The following NOSTRIN variants were observed in gnomAD, a reference collection of about 807,000 sequenced individuals.
NOSTRIN encodes nitric oxide synthase trafficking, also known as BM247 homolog.
A neutral mutation model predicts 59.0 loss-of-function variants in NOSTRIN; 63 were observed. The ratio of observed to expected loss-of-function variants is 1.07; its 90% CI spans 0.87 to 1.32. The LOEUF is 1.32. Ranked by LOEUF, NOSTRIN falls within the 40% of genes most tolerant of loss-of-function variation. The pLI is 0.00. For missense variants in NOSTRIN, 512 were observed against 473.1 expected, an observed-to-expected ratio of 1.08 and a Z score of -0.76; for synonymous variants, 200 against 165.4, an observed-to-expected ratio of 1.21 and a Z score of -1.61.
chr2:168,843,098 C>T lies in NOSTRIN; in HGVS notation c.611C>T (p.Thr204Ile). ...TCTACCAGACTGAAATGGGAAAACA[C>T]ACTAGAGAACTGCTACCAGGTAAGT... ...GYSTRLKWEN[T>I]LENCYQSILE... The change falls in exon 8 of 16, where the codon ACA (threonine) becomes ATA (isoleucine). Residue 204 changes from threonine (T) to isoleucine (I), a missense_variant. Transcript: ENST00000317647. 2 of 871,406 alleles carry T rather than the reference C, an allele frequency of 2.3e-6. No homozygotes were observed. The highest frequency in any genetic ancestry group is 1.3e-5 in the South Asian group (1 of 76,248). The allele number at this position is 871,406 out of a possible 1,614,324, so 54.0% of individuals were successfully genotyped here.
chr2:168,862,390 GATTTGA>G (rs1689518226), intron 15 of NOSTRIN, among the ~76,000 whole-genome samples: 1 of 152,224 alleles, frequency 6.6e-6, no homozygotes, highest in Non-Finnish European at 1.5e-5. Context: ...GGCAACACAA[GATTTGA>G]ACTTGGAAAC....
chr2:168,836,531 G>A (rs1034533910), intron 7 of NOSTRIN, among the ~76,000 whole-genome samples: 6 of 152,274 alleles, frequency 3.9e-5, no homozygotes, highest in African/African-American at 1.4e-4. Flanking sequence ...ACATAGAAGC[G>A]CTCATGATCA....
chr2:168,859,583 A>G lies in NOSTRIN; in HGVS notation c.1125A>G (p.Gln375=). The G allele has an allele frequency of 6.2e-7, 1 of 1,614,158 alleles. No individual in the cohort carries two copies. The highest frequency in any genetic ancestry group is 8.5e-7 in the Non-Finnish European group (1 of 1,179,994). The change falls in exon 13 of 16, where the codon CAA becomes CAG. Residue 375 remains glutamine, a synonymous_variant. Transcript: ENST00000317647. ...KLSSMLAELE[Q]RPQPSHPCSN... The stretch of plus-strand genomic sequence containing the variant: ...CATCAATGTTAGCAGAACTTGAGCA[A>G]AGACCTCAACCCAGCCATCCTTGTA...
chr2:168,826,454 CT>C (rs1687072258), intron 3 of NOSTRIN, among the ~76,000 whole-genome samples: 1 of 152,088 alleles, frequency 6.6e-6, no homozygotes, highest in Admixed American at 6.5e-5. Flanking sequence ...TCTTCCCTCC[CT>C]TCCTCCCTTG....
At chr2:168,803,805 T>A (rs947797521) in intron 1 of NOSTRIN, among the ~76,000 whole-genome samples, 10 of 152,236 alleles carry the variant, frequency 6.6e-5, no homozygotes, top group African/African-American at 2.2e-4. Context: ...TTTAATTACT[T>A]CAATCTCAGT....
chr2:168,858,242 C>A (rs1689238137), intron 12 of NOSTRIN, among the ~76,000 whole-genome samples: 1 of 152,202 alleles, frequency 6.6e-6, no homozygotes, highest in Admixed American at 6.5e-5. Flanking sequence ...GAGCATCTGA[C>A]CTTGGAACTT....
chr2:168,860,806 T>A lies in NOSTRIN; in HGVS notation c.1191T>A (p.His397Gln), dbSNP rs766583525. Residue 397 changes from histidine (H) to glutamine (Q), a missense_variant, in exon 14 of 16, where the codon CAT becomes CAA. Physicochemically the swap from His to Gln is conservative, Grantham distance 24. Transcript: ENST00000317647. Reference protein sequence around the residue: ...IFRWREKEHTHSYVKISRPFL... With the variant: ...IFRWREKEHTQSYVKISRPFL... The stretch of plus-strand genomic sequence containing the variant: ...TGTCATTTGAACAGGAGCATACTCA[T>A]AGCTATGTGAAAATATCTCGGCCTT... The A allele has an allele frequency of 1.9e-6, 3 of 1,605,746 alleles. No homozygotes were observed. The African/African-American group carries it at 4.0e-5, about 21-fold the overall frequency.
At chr2:168,788,302 A>G (rs575124420) in intron 2 of NOSTRIN, among the ~76,000 whole-genome samples, 1 of 151,196 alleles carries the variant, frequency 6.6e-6, no homozygotes, top group African/African-American at 2.4e-5. Context: ...TTCTTTTTCC[A>G]TTCCTTTCCC....
chr2:168,856,485 G>T, intron 11 of NOSTRIN: 4 of 556,710 alleles, frequency 7.2e-6, no homozygotes, highest in South Asian at 6.2e-5. Context: ...TGAGGGAGGA[G>T]AATTGTTTGA....
upstream of NOSTRIN, among the ~76,000 whole-genome samples, chr2:168,793,358 G>A (rs1685405916): frequency 6.6e-6 from 1 of 152,190 alleles, no homozygotes; most frequent in Non-Finnish European, 1.5e-5. Context: ...TGTAATCCCA[G>A]CACTTTGGAA....
At chr2:168,815,194 C>T (rs574539365) in intron 2 of NOSTRIN, among the ~76,000 whole-genome samples, 1 of 152,322 alleles carries the variant, frequency 6.6e-6, no homozygotes, top group East Asian at 1.9e-4. Context: ...ACAGTTGTTA[C>T]TAAAACACTC....
intron 2 of NOSTRIN, among the ~76,000 whole-genome samples, chr2:168,819,265 C>A (rs919142486): frequency 2.0e-5 from 3 of 152,124 alleles, no homozygotes; most frequent in African/African-American, 4.8e-5. Flanking sequence ...GCCTTGCTGC[C>A]TCTGCCTTGG....
chr2:168,800,201 G>A (rs978564455), upstream of NOSTRIN, among the ~76,000 whole-genome samples: 1 of 152,240 alleles, frequency 6.6e-6, no homozygotes, highest in Non-Finnish European at 1.5e-5. Context: ...CAAGCCCTGT[G>A]TAGATGACCT....
At chr2:168,815,633 G>A (rs570220256) in intron 2 of NOSTRIN, among the ~76,000 whole-genome samples, 40 of 152,278 alleles carry the variant, frequency 2.6e-4, no homozygotes, top group Non-Finnish European at 5.0e-4. Flanking sequence ...ATAAAAAATT[G>A]AAATTAAATA....
intron 11 of NOSTRIN, chr2:168,856,115 G>T: frequency 4.7e-6 from 1 of 213,494 alleles, no homozygotes. Context: ...GCTAGAATGG[G>T]TCGACTGAAA....
intron 2 of NOSTRIN, among the ~76,000 whole-genome samples, chr2:168,823,231 T>A (rs1163468378): frequency 2.6e-5 from 4 of 152,078 alleles, no homozygotes; most frequent in Non-Finnish European, 5.9e-5. Context: ...TTAGCCAGGA[T>A]GGTCTCGATC....
intron 2 of NOSTRIN, 67 bp from the exon 3 acceptor site, chr2:168,824,567 G>A: frequency 1.2e-6 from 1 of 812,244 alleles, no homozygotes; most frequent in East Asian, 2.5e-5. Context: ...CCAAAGTGCT[G>A]GGATTATAGG....
intron 1 of NOSTRIN, among the ~76,000 whole-genome samples, chr2:168,808,286 A>G (rs754340029): frequency 2.6e-5 from 4 of 152,206 alleles, no homozygotes; most frequent in Non-Finnish European, 5.9e-5. Context: ...TTCTATGTGC[A>G]GACTATCCTG....
At chr2:168,788,512 G>A (rs1159161009) in intron 2 of NOSTRIN, among the ~76,000 whole-genome samples, 3 of 152,074 alleles carry the variant, frequency 2.0e-5, no homozygotes, top group Non-Finnish European at 4.4e-5. Context: ...ACACAAGGTG[G>A]GAGTGAGGAG....
Sources: gnomAD v4.1 joint callset for allele counts (sites outside exome capture counted in the v4.1 genomes callset) on GRCh38, gnomAD v4.1.1 for gene constraint, MANE v1.5 for transcripts, NCBI Gene and HGNC (gene_info 2026-07-23, HGNC 2026-07-21) for gene names.